Variants in DCC observed in about 807,000 individuals in gnomAD.
DCC encodes DCC netrin 1 receptor.
In DCC, 58 loss-of-function variants were observed where a neutral mutation model predicts 172.5. That is an observed-to-expected ratio of 0.34 (90% CI 0.27 to 0.42). The LOEUF (loss-of-function observed/expected upper bound fraction) is 0.42. DCC is among the 10% of genes least tolerant of loss of function. DCC has a pLI of 1.00. For missense variants in DCC, 1,740 were observed against 1,791.0 expected (o/e 0.97, Z 0.51); for synonymous variants, 709 against 644.5 (o/e 1.10, Z -1.52).
intron 13 of DCC, among the ~76,000 whole-genome samples, chr18:53,312,385 T>C (rs1231024476): frequency 1.4e-5 from 2 of 146,122 alleles, no homozygotes; most frequent in Non-Finnish European, 3.0e-5. Flanking sequence ...AGATAAAGAT[T>C]ACCATACAGC....
chr18:53,299,062 T>G (rs1291970397), intron 12 of DCC, among the ~76,000 whole-genome samples: 1 of 152,184 alleles, frequency 6.6e-6, no homozygotes, highest in Non-Finnish European at 1.5e-5. Flanking sequence ...ACCATGACTA[T>G]TCTTTTAATT....
At chr18:53,143,160 T>A (rs2043855383) in intron 7 of DCC, among the ~76,000 whole-genome samples, 1 of 152,180 alleles carries the variant, frequency 6.6e-6, no homozygotes. Flanking sequence ...TTCATCTCCA[T>A]ACTCTTTTCT....
intron 26 of DCC, among the ~76,000 whole-genome samples, chr18:53,487,979 G>A (rs1034712704): frequency 6.6e-6 from 1 of 152,138 alleles, no homozygotes; most frequent in East Asian, 1.9e-4. Flanking sequence ...GAGCCCACAA[G>A]TGCCTTCTTC....
intron 26 of DCC, among the ~76,000 whole-genome samples, chr18:53,490,545 A>T (rs1473523740): frequency 2.0e-5 from 3 of 152,166 alleles, no homozygotes; most frequent in Non-Finnish European, 4.4e-5. Flanking sequence ...TGACTATTTC[A>T]TCATGTAACA....
At chr18:52,897,348 G>C (rs988225058) in intron 2 of DCC, among the ~76,000 whole-genome samples, 1 of 152,158 alleles carries the variant, frequency 6.6e-6, no homozygotes, top group Non-Finnish European at 1.5e-5. Flanking sequence ...ACAAACTCCA[G>C]GTAATCTCAT....
In DCC at chr18:52,846,608, AACACACACACACAC is replaced by A. The variant is rs71175524; in HGVS notation, c.413-59405_413-59392del. Among the ~76,000 whole-genome samples, 455 of 130,586 alleles carry A rather than the reference AACACACACACACAC, an allele frequency of 3.5e-3. 5 individuals carry two copies. The highest frequency in any genetic ancestry group is 0.012 in the African/African-American group (410 of 33,890). 85.7% of individuals were successfully genotyped at this position (130,586 alleles called of 152,430 possible). On this transcript the variant is annotated intron_variant, in intron 2 of 28. Transcript: ENST00000442544. ...TCTATCTCCCCCTTCTGCCACTCCA[AACACACACACACAC>A]ACACACACACACACACACACACACA...
At chr18:53,353,909 T>C (rs1021830230) in intron 15 of DCC, among the ~76,000 whole-genome samples, 2 of 152,076 alleles carry the variant, frequency 1.3e-5, no homozygotes, top group African/African-American at 4.8e-5. Context: ...CCTAATGCTA[T>C]CCCTCCCCCG....
At chr18:53,329,897 C>A (rs568256977) in intron 14 of DCC, among the ~76,000 whole-genome samples, 8 of 152,208 alleles carry the variant, frequency 5.3e-5, no homozygotes, top group Middle Eastern at 3.4e-3. Context: ...ATAGAAACAG[C>A]CCCTATCTAG....
chr18:53,317,005 G>C (rs746467447), intron 13 of DCC, among the ~76,000 whole-genome samples: 23 of 152,340 alleles, frequency 1.5e-4, no homozygotes, highest in Admixed American at 7.8e-4. Context: ...TGGTGAGAGA[G>C]GGCATCCTTG....
intron 8 of DCC, among the ~76,000 whole-genome samples, chr18:53,165,759 C>T (rs2054909241): frequency 6.6e-6 from 1 of 152,082 alleles, no homozygotes; most frequent in African/African-American, 2.4e-5. Context: ...CCATGTCCAG[C>T]AGTGTATTGA....
chr18:53,014,512 TC>T (rs1365106555), intron 5 of DCC, among the ~76,000 whole-genome samples: 1 of 143,354 alleles, frequency 7.0e-6, no homozygotes, highest in Non-Finnish European at 1.5e-5. Context: ...ATTGTTCAAT[TC>T]CCACCTATGA....
chr18:52,827,307 A>AT (rs908402859), intron 2 of DCC, among the ~76,000 whole-genome samples: 1 of 152,210 alleles, frequency 6.6e-6, no homozygotes, highest in African/African-American at 2.4e-5. Flanking sequence ...AGAGCCTTTA[A>AT]TAGCTACATC....
intron 15 of DCC, among the ~76,000 whole-genome samples, chr18:53,371,448 G>C (rs960402250): frequency 1.3e-5 from 2 of 151,912 alleles, no homozygotes; most frequent in African/African-American, 2.4e-5. Flanking sequence ...AATCTGCAAA[G>C]TGTCAGAGGA....
At chr18:52,389,394 T>C (rs1252766620) in intron 1 of DCC, among the ~76,000 whole-genome samples, 1 of 152,162 alleles carries the variant, frequency 6.6e-6, no homozygotes, top group East Asian at 1.9e-4. Context: ...AATTCAAATT[T>C]AACTGGACGT....
At chr18:53,027,295 G>T (rs2143944055) in intron 5 of DCC, among the ~76,000 whole-genome samples, 1 of 152,266 alleles carries the variant, frequency 6.6e-6, no homozygotes, top group South Asian at 2.1e-4. Flanking sequence ...ATGTGGAAAG[G>T]GTTGATACAG....
chr18:53,128,649 T>A (rs1056987079), intron 7 of DCC, among the ~76,000 whole-genome samples: 6 of 151,900 alleles, frequency 3.9e-5, no homozygotes, highest in African/African-American at 1.5e-4. Flanking sequence ...AAAGAAATTA[T>A]TAAGCATATT....
intron 24 of DCC, among the ~76,000 whole-genome samples, chr18:53,460,812 G>C (rs182914723): frequency 6.6e-6 from 1 of 152,188 alleles, no homozygotes; most frequent in Admixed American, 6.5e-5. Context: ...GGGATGCCTG[G>C]GTCAAATGGT....
chr18:53,268,034 A>C (rs1175800964), intron 12 of DCC, among the ~76,000 whole-genome samples: 1 of 152,156 alleles, frequency 6.6e-6, no homozygotes, highest in Middle Eastern at 3.2e-3. Flanking sequence ...CAAACTTATT[A>C]CTTTGGGGGG....
intron 2 of DCC, among the ~76,000 whole-genome samples, chr18:52,847,036 T>C (rs1357228839): frequency 6.6e-6 from 1 of 152,208 alleles, no homozygotes; most frequent in Non-Finnish European, 1.5e-5. Flanking sequence ...TGAATCCATT[T>C]TTAAATGGAA....
Sources: gnomAD v4.1 joint callset for allele counts (sites outside exome capture counted in the v4.1 genomes callset) on GRCh38, gnomAD v4.1.1 for gene constraint, MANE v1.5 for transcripts, NCBI Gene and HGNC (gene_info 2026-07-23, HGNC 2026-07-21) for gene names.